MDFIC: variants seen among roughly 807,000 people sequenced by gnomAD.
MDFIC encodes MyoD family inhibitor domain containing.
Under a neutral mutation model 23.2 loss-of-function variants are expected in MDFIC, and 17 were observed. The ratio of observed to expected loss-of-function variants is 0.73; its 90% CI spans 0.50 to 1.10. MDFIC has a LOEUF of 1.10. MDFIC is among the 50% of genes least tolerant of loss of function. MDFIC has a pLI of 0.00. For synonymous variants in MDFIC, 120 were observed against 115.2 expected (o/e 1.04, Z -0.27); for missense variants, 356 against 316.6 (o/e 1.12, Z -0.95).
At chr7:114,929,249 G>C (rs1792262133) in intron 2 of MDFIC, among the ~76,000 whole-genome samples, 1 of 152,102 alleles carries the variant, frequency 6.6e-6, no homozygotes, top group South Asian at 2.1e-4. Context: ...TGGGACTACA[G>C]GCGTGTGCCA....
chr7:114,927,442 A>AT (rs1255893452), intron 2 of MDFIC, among the ~76,000 whole-genome samples: 2 of 151,598 alleles, frequency 1.3e-5, no homozygotes, highest in African/African-American at 4.8e-5. Context: ...CCTCTCTAAG[A>AT]TTTTTTGTCA....
intron 4 of MDFIC, among the ~76,000 whole-genome samples, chr7:114,998,993 T>TA (rs1791403732): frequency 6.6e-6 from 1 of 152,166 alleles, no homozygotes. Context: ...TTTTGGTTGT[T>TA]ACTCCAAAGT....
At position 114,942,366 on chromosome 7, in the gene MDFIC, G is replaced by C. The variant is rs1792560672; in HGVS notation, c.186G>C (p.Trp62Cys). The C allele has an allele frequency of 6.2e-7, 1 of 1,602,934 alleles. No homozygotes were observed. Among genetic ancestry groups the C allele is most frequent in the Non-Finnish European group, 8.5e-7 (1 of 1,174,786 alleles). ...GAGAGATGCAAGACCAGTCCATTTG[G>C]GGAAATCCTTCGGATGGTGAACTCA... ...THGEMQDQSIWGNPSDGELIR... is the reference protein window; with the variant it reads ...THGEMQDQSICGNPSDGELIR... Residue 62 changes from tryptophan to cysteine, a missense_variant, in exon 3 of 5, where the codon TGG (tryptophan) becomes TGC (cysteine). By Grantham distance (215) the Trp-to-Cys change is radical. Coordinates refer to ENST00000393486, the MANE Select transcript of MDFIC (RefSeq NM_001166345.3).
intron 3 of MDFIC, among the ~76,000 whole-genome samples, chr7:114,947,241 T>C (rs1414479460): frequency 6.6e-6 from 1 of 152,188 alleles, no homozygotes; most frequent in African/African-American, 2.4e-5. Context: ...TTCATGCTCA[T>C]TCATTTTTGG....
chr7:114,959,346 CA>C (rs1792943397), intron 3 of MDFIC, among the ~76,000 whole-genome samples: 1 of 152,022 alleles, frequency 6.6e-6, no homozygotes, highest in South Asian at 2.1e-4. Flanking sequence ...TCTCAGAGAG[CA>C]AATAAGACAT....
chr7:114,941,425 G>T (rs1792538387), intron 2 of MDFIC, among the ~76,000 whole-genome samples: 1 of 152,112 alleles, frequency 6.6e-6, no homozygotes. Flanking sequence ...TGGAACCTTT[G>T]CCCAAACGTC....
chr7:114,950,040 T>G (rs1177746732), intron 3 of MDFIC, among the ~76,000 whole-genome samples: 1 of 152,148 alleles, frequency 6.6e-6, no homozygotes, highest in East Asian at 1.9e-4. Flanking sequence ...AAGAATCTGT[T>G]AAAGACTAAG....
At chr7:114,927,739 G>T (rs892301722) in intron 2 of MDFIC, among the ~76,000 whole-genome samples, 19 of 152,052 alleles carry the variant, frequency 1.2e-4, no homozygotes, top group Non-Finnish European at 2.6e-4. Flanking sequence ...TTGTAAATTG[G>T]ACTTTTAGAG....
At chr7:114,961,825 C>T (rs976049175) in intron 3 of MDFIC, among the ~76,000 whole-genome samples, 3 of 152,042 alleles carry the variant, frequency 2.0e-5, no homozygotes, top group Non-Finnish European at 4.4e-5. Context: ...CCCATTAGAC[C>T]CGCTCCTACA....
At chr7:114,951,836 G>A (rs546882220) in intron 3 of MDFIC, among the ~76,000 whole-genome samples, 2 of 152,284 alleles carry the variant, frequency 1.3e-5, no homozygotes, top group South Asian at 4.1e-4. Context: ...AGGACATTCG[G>A]CTTCCTTCAG....
chr7:114,941,796 G>A (rs769697157), intron 2 of MDFIC, among the ~76,000 whole-genome samples: 2 of 152,022 alleles, frequency 1.3e-5, no homozygotes, highest in Non-Finnish European at 2.9e-5. Flanking sequence ...TTTTCTTCAC[G>A]TTCTAGAGAG....
At chr7:114,983,182 G>A (rs1793448076) in intron 4 of MDFIC, among the ~76,000 whole-genome samples, 2 of 152,148 alleles carry the variant, frequency 1.3e-5, no homozygotes, top group African/African-American at 2.4e-5. Flanking sequence ...CAAACAAGTA[G>A]CAAAATAATC....
At chr7:114,940,945 A>T (rs1250340521) in intron 2 of MDFIC, among the ~76,000 whole-genome samples, 1 of 151,686 alleles carries the variant, frequency 6.6e-6, no homozygotes, top group East Asian at 1.9e-4. Flanking sequence ...AGTTAATTAA[A>T]CTCTTATCAA....
At chr7:114,927,325 C>CTTTTTTTTTTTTT (rs10686214) in intron 2 of MDFIC, among the ~76,000 whole-genome samples, 2 of 141,794 alleles carry the variant, frequency 1.4e-5, no homozygotes, top group African/African-American at 5.2e-5. Flanking sequence ...AAAAACAGTC[C>CTTTTTTTTTTTTT]TTTTTTTTTT....
At chr7:114,969,522 A>G (rs572121395) in intron 3 of MDFIC, among the ~76,000 whole-genome samples, 1 of 152,310 alleles carries the variant, frequency 6.6e-6, no homozygotes, top group Non-Finnish European at 1.5e-5. Context: ...AATGCCCAGT[A>G]TTGTCAAACT....
At chr7:114,948,819 G>A (rs1792703357) in intron 3 of MDFIC, among the ~76,000 whole-genome samples, 1 of 152,064 alleles carries the variant, frequency 6.6e-6, no homozygotes, top group Non-Finnish European at 1.5e-5. Flanking sequence ...ATTGGAATTT[G>A]CTCATGGATT....
intron 4 of MDFIC, among the ~76,000 whole-genome samples, chr7:114,985,933 C>T (rs974918336): frequency 9.2e-5 from 14 of 151,466 alleles, no homozygotes; most frequent in African/African-American, 3.4e-4. Context: ...ACAAAAATTC[C>T]ATGGTTGGAA....
At chr7:114,996,068 T>G (rs1281921836) in intron 4 of MDFIC, among the ~76,000 whole-genome samples, 1 of 152,164 alleles carries the variant, frequency 6.6e-6, no homozygotes, top group Non-Finnish European at 1.5e-5. Context: ...ACTGAGCCAT[T>G]GTAATGTTTT....
chr7:114,995,117 C>T (rs1398429691), intron 4 of MDFIC, among the ~76,000 whole-genome samples: 2 of 152,118 alleles, frequency 1.3e-5, no homozygotes, highest in Admixed American at 6.5e-5. Context: ...TCACTGATAC[C>T]CTTTCTTCCA....
Sources: allele counts gnomAD v4.1 joint callset (sites outside exome capture counted in the v4.1 genomes callset), GRCh38; gene constraint gnomAD v4.1.1; transcripts MANE v1.5; gene names NCBI Gene and HGNC (gene_info 2026-07-23, HGNC 2026-07-21).